Variants in NCALD observed in about 807,000 individuals in gnomAD.
NCALD encodes the protein neurocalcin-delta.
In NCALD, 10 loss-of-function variants were observed where a neutral mutation model predicts 18.6. That is an observed-to-expected ratio of 0.54 (90% CI 0.33 to 0.91). The LOEUF (loss-of-function observed/expected upper bound fraction) is 0.91. Among genes scored for constraint, NCALD ranks in the 40% least tolerant of loss-of-function variants. The probability of loss-of-function intolerance (pLI) is 0.03; values close to 1 mark genes in which losing one functional copy is unlikely to be tolerated. For synonymous variants in NCALD, 88 were observed against 87.4 expected, an observed-to-expected ratio of 1.01 and a Z score of -0.04; for missense variants, 184 against 247.6, an observed-to-expected ratio of 0.74 and a Z score of 1.72.
chr8:102,008,728 C>T (rs539412829), intron 2 of NCALD, among the ~76,000 whole-genome samples: 1 of 152,212 alleles, frequency 6.6e-6, no homozygotes, highest in Non-Finnish European at 1.5e-5. Flanking sequence ...GCCTTGACAC[C>T]GTTTCACAAT....
intron 1 of NCALD, among the ~76,000 whole-genome samples, chr8:102,056,882 T>G (rs545762988): frequency 2.0e-5 from 3 of 152,354 alleles, no homozygotes; most frequent in East Asian, 1.9e-4. Context: ...GTACTCATGC[T>G]GAGAAACAAG....
At chr8:101,883,392 T>C (rs1182260953) in intron 4 of NCALD, among the ~76,000 whole-genome samples, 1 of 152,150 alleles carries the variant, frequency 6.6e-6, no homozygotes, top group Non-Finnish European at 1.5e-5. Context: ...GAAATGCTCT[T>C]CCGCTCAGCT....
intron 1 of NCALD, among the ~76,000 whole-genome samples, chr8:101,738,266 G>A (rs10955272): frequency 0.023 from 3,470 of 152,214 alleles, 118 homozygotes; most frequent in East Asian, 0.12. Context: ...TCACCCAGCC[G>A]GGCGCAGTGG....
chr8:102,058,301 C>T (rs147587892), intron 1 of NCALD, among the ~76,000 whole-genome samples: 9 of 152,264 alleles, frequency 5.9e-5, no homozygotes, highest in African/African-American at 2.2e-4. Flanking sequence ...TATTGAAAAG[C>T]GTATCTATTG....
chr8:101,768,448 C>T lies in NCALD; in HGVS notation c.-20+22414G>A, dbSNP rs187071198. 5.3e-5 allele frequency among the ~76,000 whole-genome samples: 8 copies of T among 152,292 alleles called. No individual in the cohort carries two copies. In the East Asian group the frequency reaches 1.5e-3, roughly 29 times the overall value. Reference sequence around the variant, plus strand: ...AATTAGCCTGGTGCGGTGACTCAGGCCTGTAATCCCAGCACTTTCGGAAGT... The same window carrying T: ...AATTAGCCTGGTGCGGTGACTCAGGTCTGTAATCCCAGCACTTTCGGAAGT... On this transcript the variant is annotated intron_variant, in intron 1 of 3. Coordinates refer to ENST00000220931, the MANE Select transcript of NCALD (RefSeq NM_032041.3).
chr8:101,998,733 AG>A (rs1206680891), intron 2 of NCALD, among the ~76,000 whole-genome samples: 1 of 152,080 alleles, frequency 6.6e-6, no homozygotes, highest in African/African-American at 2.4e-5. Flanking sequence ...AATCCTCCCC[AG>A]GGGTCTGCAG....
At position 101,947,305 on chromosome 8, in the gene NCALD, A is replaced by G. The variant is rs186663516; in HGVS notation, c.-156-31447T>C. On this transcript the variant is annotated intron_variant, in intron 2 of 6. Coordinates refer to the NCALD transcript ENST00000311028. ...CTGCTTATTATGCGAGTGTTTTGAG[A>G]AAGTTAGCCAAAGCTTTGGCAGAAA... Among the ~76,000 whole-genome samples, 601 of 152,296 alleles carry G rather than the reference A, an allele frequency of 3.9e-3. 1 individual carries two copies. The highest frequency in any genetic ancestry group is 6.6e-3 in the Non-Finnish European group (452 of 68,016).
chr8:102,105,236 CTTT>C (rs1448833967), intron 1 of NCALD, among the ~76,000 whole-genome samples: 1 of 152,100 alleles, frequency 6.6e-6, no homozygotes, highest in African/African-American at 2.4e-5. Context: ...CATACAGATT[CTTT>C]TAAGTTGAAA....
intron 3 of NCALD, among the ~76,000 whole-genome samples, chr8:101,909,308 G>T (rs1286937074): frequency 1.3e-5 from 2 of 152,148 alleles, no homozygotes; most frequent in African/African-American, 4.8e-5. Flanking sequence ...TCCTCAGCAG[G>T]TTGCTTCCAA....
chr8:101,948,219 A>C (rs146160626), intron 2 of NCALD, among the ~76,000 whole-genome samples: 18 of 152,378 alleles, frequency 1.2e-4, no homozygotes, highest in Non-Finnish European at 2.1e-4. Flanking sequence ...GCCTGGACTA[A>C]GGTATTGGCC....
At chr8:101,827,356 T>C (rs1403422969) in intron 4 of NCALD, among the ~76,000 whole-genome samples, 1 of 152,208 alleles carries the variant, frequency 6.6e-6, no homozygotes, top group African/African-American at 2.4e-5. Flanking sequence ...GCAAAGACCC[T>C]TTTTCCACAT....
chr8:102,124,133 G>T (rs1826034723), intron 1 of NCALD: 1 of 152,234 alleles, frequency 6.6e-6, no homozygotes, highest in Non-Finnish European at 1.5e-5. Flanking sequence ...GGCGCACCGA[G>T]CGCACGGGTC....
intron 3 of NCALD, among the ~76,000 whole-genome samples, chr8:101,894,990 G>A (rs1817097414): frequency 6.6e-6 from 1 of 150,688 alleles, no homozygotes; most frequent in Admixed American, 6.6e-5. Context: ...AGAAAAAGAG[G>A]GAATCCTCCC....
intron 1 of NCALD, among the ~76,000 whole-genome samples, chr8:101,783,336 T>G (rs1812092453): frequency 6.6e-6 from 1 of 152,164 alleles, no homozygotes; most frequent in African/African-American, 2.4e-5. Flanking sequence ...GGACCACATT[T>G]CTGAGGATTT....
intron 4 of NCALD, among the ~76,000 whole-genome samples, chr8:101,829,003 A>G (rs1024075189): frequency 6.6e-6 from 1 of 152,130 alleles, no homozygotes; most frequent in Non-Finnish European, 1.5e-5. Flanking sequence ...ATGTGTATAC[A>G]GAGTGTTATA....
intron 3 of NCALD, among the ~76,000 whole-genome samples, chr8:101,891,906 C>A (rs1437196538): frequency 6.6e-6 from 1 of 152,200 alleles, no homozygotes; most frequent in African/African-American, 2.4e-5. Flanking sequence ...AGTCTGAGAT[C>A]AAACTGCAAG....
chr8:101,719,556 T>G lies in NCALD; in HGVS notation c.74A>C (p.His25Pro), dbSNP rs1457302374. The G allele has an allele frequency of 6.2e-7, 1 of 1,614,174 alleles. No homozygotes were observed. Among genetic ancestry groups the G allele is most frequent in the Non-Finnish European group, 8.5e-7 (1 of 1,180,024 alleles). Residue 25 changes from histidine to proline, a missense_variant, in exon 2 of 4, where the codon CAT becomes CCT. By Grantham distance (77) the His-to-Pro change is moderately conservative (BLOSUM62 -2). Transcript: ENST00000220931. ...GCCTTTATACCATTCCTGGATCTCA[T>G]GCTCTGTAAAGTCTGTGCTTTCCAG... ...DLLESTDFTE[H>P]EIQEWYKGFL...
At chr8:102,090,764 G>T (rs1824898811) in intron 1 of NCALD, among the ~76,000 whole-genome samples, 2 of 152,128 alleles carry the variant, frequency 1.3e-5, no homozygotes, top group African/African-American at 4.8e-5. Context: ...AACTAGTTGT[G>T]AGTATTCTTA....
intron 2 of NCALD, among the ~76,000 whole-genome samples, chr8:101,716,157 A>T (rs1816068345): frequency 6.6e-6 from 1 of 152,216 alleles, no homozygotes; most frequent in Non-Finnish European, 1.5e-5. Flanking sequence ...GAATAAATTC[A>T]TGTCCTTTGC....
Sources: gnomAD v4.1 joint callset for allele counts (sites outside exome capture counted in the v4.1 genomes callset) on GRCh38, gnomAD v4.1.1 for gene constraint, MANE v1.5 for transcripts, NCBI Gene and HGNC (gene_info 2026-07-23, HGNC 2026-07-21) for gene names.